Variants in PACS2 observed in about 807,000 individuals in gnomAD.
PACS2 encodes the protein phosphofurin acidic cluster sorting protein 2, also known as PACS1-like protein.
A neutral mutation model predicts 113.0 loss-of-function variants in PACS2; 36 were observed. That is an observed-to-expected ratio of 0.32 (90% CI 0.24 to 0.42). The LOEUF is 0.42. Ranked by LOEUF, PACS2 falls within the 10% of genes least tolerant of loss-of-function variation. PACS2 has a pLI of 1.00. For synonymous variants in PACS2, 589 were observed against 536.1 expected (o/e 1.10, Z -1.36); for missense variants, 1,015 against 1,239.5 (o/e 0.82, Z 2.72).
chr14:105,341,193 C>T (rs2059710851), intron 1 of PACS2, among the ~76,000 whole-genome samples: 1 of 152,184 alleles, frequency 6.6e-6, no homozygotes, highest in Non-Finnish European at 1.5e-5. Context: ...TGTTGGCAGG[C>T]CTGTGGGTTT....
intron 1 of PACS2, among the ~76,000 whole-genome samples, chr14:105,335,347 G>A (rs919964844): frequency 6.6e-6 from 1 of 151,132 alleles, no homozygotes; most frequent in African/African-American, 2.5e-5. Context: ...GCCGGCGCCT[G>A]GCGTGGCTGT....
In PACS2 at chr14:105,396,037, C is replaced by T. The variant is rs587644966; in HGVS notation, c.*1365C>T. The T allele has an allele frequency of 9.8e-5, 15 of 152,366 alleles. No homozygotes were observed. The East Asian group carries it at 2.5e-3, about 25-fold the overall frequency. 9.4% of individuals were successfully genotyped at this position (152,366 alleles called of 1,614,324 possible). ...CGAGCCGGGGCTGGAGGGGTCTCCA[C>T]CCTTGCTGGCCTGAGAGATGGCCCA... On this transcript the variant is annotated 3_prime_UTR_variant, in exon 25 of 25. Transcript: ENST00000447393.
rs139536717 is a variant in PACS2 at position 105,391,641 on chromosome 14, C to T, written c.2130C>T (p.Asp710=). The T allele has an allele frequency of 3.2e-5, 51 of 1,609,594 alleles. No individual in the cohort carries two copies. Among genetic ancestry groups the T allele is most frequent in the South Asian group, 2.6e-4 (24 of 90,818 alleles). The change falls in exon 22 of 25, where the codon GAC becomes GAT. Residue 710 remains aspartate, a synonymous_variant. Coordinates refer to ENST00000447393, the MANE Select transcript of PACS2 (RefSeq NM_001100913.3). ...EPSSATSGDS[D]DAAPSGSGTL... is the part of the protein sequence containing the mutation. ...GACTCCTCCCCAAAGGCGACTCGGA[C>T]GACGCGGCCCCCTCGGGCTCTGGCA...
intron 1 of PACS2, among the ~76,000 whole-genome samples, chr14:105,308,217 C>G (rs151093452): frequency 0.017 from 2,612 of 151,866 alleles, 79 homozygotes; most frequent in African/African-American, 0.058. Flanking sequence ...CACAGTGGCT[C>G]ACACCTGTTA....
intron 1 of PACS2, among the ~76,000 whole-genome samples, chr14:105,344,359 C>G (rs587735338): frequency 3.3e-5 from 5 of 151,904 alleles, no homozygotes; most frequent in African/African-American, 1.2e-4. Context: ...GATACGATCT[C>G]GGCTCACTAC....
chr14:105,362,222 T>A (rs181538937), intron 4 of PACS2, among the ~76,000 whole-genome samples: 13 of 150,176 alleles, frequency 8.7e-5, no homozygotes, highest in African/African-American at 2.2e-4. Context: ...ATCAAGACCA[T>A]CCTGGCTAAC....
chr14:105,354,952 G>T lies in PACS2; in HGVS notation c.298-100G>T. Reference sequence around the variant, plus strand: ...CTTCCGATCTCATGGGCAGCAGGTTGGCCTGGTCGCAGGCTGCAGGGTGGC... The same window carrying T: ...CTTCCGATCTCATGGGCAGCAGGTTTGCCTGGTCGCAGGCTGCAGGGTGGC... On this transcript the variant is annotated intron_variant, in intron 3 of 24. Transcript: ENST00000447393. The surrounding 1 kb of genome is among the most constrained non-coding windows in gnomAD (Gnocchi z 4.2). The T allele has an allele frequency of 1.6e-6, 2 of 1,222,036 alleles. No homozygotes were observed. The highest frequency in any genetic ancestry group is 2.3e-6 in the Non-Finnish European group (2 of 864,474). The allele number at this position is 1,222,036 out of a possible 1,614,324, so 75.7% of individuals were successfully genotyped here. A position where few individuals can be genotyped will look rare whatever the true frequency, so the allele number is the denominator to read the frequency against.
At chr14:105,345,996 T>C (rs1201852766) in intron 1 of PACS2, among the ~76,000 whole-genome samples, 1 of 152,174 alleles carries the variant, frequency 6.6e-6, no homozygotes, top group Non-Finnish European at 1.5e-5. Flanking sequence ...TACTGAGTTA[T>C]GAGAATGACT....
At chr14:105,360,020 C>T (rs1246516390) in intron 4 of PACS2, among the ~76,000 whole-genome samples, 2 of 152,196 alleles carry the variant, frequency 1.3e-5, no homozygotes, top group Non-Finnish European at 2.9e-5. Flanking sequence ...ACATGCTTTA[C>T]AGGTCTGTGG....
In PACS2 at chr14:105,394,651, A is replaced by G. The variant is rs1463397457; in HGVS notation, c.2694A>G (p.Gly898=). The G allele has an allele frequency of 6.2e-7, 1 of 1,612,632 alleles. No individual in the cohort carries two copies. Among genetic ancestry groups the G allele is most frequent in the Non-Finnish European group, 8.5e-7 (1 of 1,179,418 alleles). ...AGCACTTCCCCATCTGCATCTTCGGACACTCCAAGGCCACCTTCTAGCCCC... is the reference window on the plus strand; with the variant it reads ...AGCACTTCCCCATCTGCATCTTCGGGCACTCCAAGGCCACCTTCTAGCCCC... ...HVKHFPICIF[G]HSKATF is the part of the protein sequence containing the mutation. The change falls in exon 25 of 25, where the codon GGA becomes GGG. Residue 898 remains glycine, a synonymous_variant. Transcript: ENST00000447393.
At chr14:105,318,078 CTT>C (rs2058741416) in intron 1 of PACS2, among the ~76,000 whole-genome samples, 1 of 152,216 alleles carries the variant, frequency 6.6e-6, no homozygotes, top group Admixed American at 6.5e-5. Flanking sequence ...GGCTGGGCTG[CTT>C]TGTACCTTGC....
At chr14:105,381,197 T>C in intron 12 of PACS2, 98 bp downstream of exon 12, 1 of 1,035,804 alleles carries the variant, frequency 9.7e-7, no homozygotes, top group Non-Finnish European at 1.4e-6. Context: ...CAGTCCATCC[T>C]GATGAGCTCC....
Position 105,368,164 on chromosome 14 carries a change from G to A in PACS2, c.660+17G>A. ...CAGGGGCAGGTGACCTGGGGCCGGG[G>A]CTCCGCGCCCTCTCCTGGCTCACAC... is the stretch of plus-strand genomic sequence containing the variant. On this transcript the variant is annotated intron_variant, in intron 6 of 24. Transcript: ENST00000447393. 4 of 1,573,398 alleles carry A rather than the reference G, an allele frequency of 2.5e-6. No individual in the cohort carries two copies. The highest frequency in any genetic ancestry group is 2.7e-5 in the African/African-American group (2 of 74,422).
chr14:105,379,946 C>T (rs2080922003), intron 10 of PACS2, 117 bp downstream of exon 10: 3 of 1,317,122 alleles, frequency 2.3e-6, no homozygotes, highest in Non-Finnish European at 1.1e-6. Flanking sequence ...CCTGGAGCCA[C>T]TCTGCACCCA....
chr14:105,385,060 G>A (rs1013861348), intron 18 of PACS2, 73 bp downstream of exon 18: 46 of 967,500 alleles, frequency 4.8e-5, no homozygotes, highest in African/African-American at 9.7e-5. Context: ...CTCCCCACCC[G>A]CTGCTGGGCT....
chr14:105,381,271 C>A (rs1555411972), intron 12 of PACS2, among the ~76,000 whole-genome samples, 172 bp downstream of exon 12: 2 of 152,216 alleles, frequency 1.3e-5, no homozygotes, highest in Non-Finnish European at 2.9e-5. Context: ...AACCCCCTGG[C>A]CCGGCATTGG....
At position 105,335,142 on chromosome 14, in the gene PACS2, C is replaced by T. The variant is rs188735806; in HGVS notation, c.120-13351C>T. 5.8e-4 allele frequency among the ~76,000 whole-genome samples: 89 copies of T among 152,380 alleles called. 1 individual carries two copies. The highest frequency in any genetic ancestry group is 2.1e-3 in the African/African-American group (88 of 41,594). On this transcript the variant is annotated intron_variant, in intron 1 of 24. Transcript: ENST00000447393. ...CGGCAGCTCCCAGCCTTGCCACAGG[C>T]TGACTGGAATGCGTGGTGTGGTGGA...
chr14:105,326,306 G>A (rs1302470632), intron 1 of PACS2, among the ~76,000 whole-genome samples: 2 of 152,236 alleles, frequency 1.3e-5, no homozygotes, highest in Non-Finnish European at 2.9e-5. Context: ...CAGCAGTGGA[G>A]TTGAGGCTTC....
chr14:105,394,056 A>AAAAAAG (rs1273855602), intron 24 of PACS2, among the ~76,000 whole-genome samples: 1 of 144,654 alleles, frequency 6.9e-6, no homozygotes, highest in African/African-American at 2.6e-5. Context: ...AAAAAAAAAA[A>AAAAAAG]GGGGTTTTGG....
Sources: gnomAD v4.1 joint callset for allele counts (sites outside exome capture counted in the v4.1 genomes callset) on GRCh38, gnomAD v4.1.1 for gene constraint, Gnocchi (gnomAD v3.1) non-coding constraint, MANE v1.5 for transcripts, NCBI Gene and HGNC (gene_info 2026-07-23, HGNC 2026-07-21) for gene names.